Variants in PRKD1 observed in about 807,000 individuals in gnomAD.
PRKD1 encodes the protein serine/threonine-protein kinase D1.
In PRKD1, 63 loss-of-function variants were observed where a neutral mutation model predicts 95.9. The ratio of observed to expected loss-of-function variants is 0.66; its 90% CI spans 0.54 to 0.81. The LOEUF is 0.81. PRKD1 is among the 30% of genes least tolerant of loss of function. The pLI is 0.00. For missense variants in PRKD1, 1,048 were observed against 1,165.3 expected, an observed-to-expected ratio of 0.90 and a Z score of 1.47; for synonymous variants, 425 against 423.1, an observed-to-expected ratio of 1.00 and a Z score of -0.05.
chr14:29,787,837 A>G (rs1277202931), intron 1 of PRKD1, among the ~76,000 whole-genome samples: 4 of 152,158 alleles, frequency 2.6e-5, no homozygotes, highest in South Asian at 2.1e-4. Flanking sequence ...GTTTACATTC[A>G]AGGTTGCTAT....
rs575342220 is a variant in PRKD1 at position 29,601,534 on chromosome 14, C to T, written c.1906-1717G>A. Among the ~76,000 whole-genome samples the T allele has an allele frequency of 3.3e-3, 480 of 144,038 alleles. 3 individuals carry two copies. The highest frequency in any genetic ancestry group is 0.011 in the African/African-American group (449 of 39,392). 94.5% of individuals were successfully genotyped at this position (144,038 alleles called of 152,430 possible). Reference sequence around the variant, plus strand: ...GTTAACTGGTCAAGTCTGGCAACTTCGAATAGACCTCACCTCCCACGTTGC... The same window carrying T: ...GTTAACTGGTCAAGTCTGGCAACTTTGAATAGACCTCACCTCCCACGTTGC... On this transcript the variant is annotated intron_variant, in intron 13 of 17. Transcript: ENST00000331968.
At chr14:29,657,131 C>T (rs1356993504) in intron 4 of PRKD1, among the ~76,000 whole-genome samples, 2 of 152,002 alleles carry the variant, frequency 1.3e-5, no homozygotes, top group Non-Finnish European at 2.9e-5. Flanking sequence ...TATCTGATTC[C>T]GTTCAAGGTT....
At chr14:29,732,368 A>G (rs1364253746) in intron 1 of PRKD1, among the ~76,000 whole-genome samples, 1 of 145,766 alleles carries the variant, frequency 6.9e-6, no homozygotes, top group African/African-American at 2.5e-5. Flanking sequence ...TAATTATCCT[A>G]TTTCACACAC....
At chr14:29,878,069 G>A (rs1052662453) in intron 1 of PRKD1, among the ~76,000 whole-genome samples, 1 of 152,100 alleles carries the variant, frequency 6.6e-6, no homozygotes, top group African/African-American at 2.4e-5. Context: ...AATACTTCAT[G>A]TTCTCACTTA....
chr14:29,663,939 T>A, intron 3 of PRKD1, 80 bp from the exon 4 acceptor site: 1 of 1,339,916 alleles, frequency 7.5e-7, no homozygotes. Flanking sequence ...AGTAGAAATT[T>A]AAAAAATAGT....
chr14:29,759,259 G>A (rs530149782), intron 1 of PRKD1, among the ~76,000 whole-genome samples: 1 of 152,100 alleles, frequency 6.6e-6, no homozygotes, highest in African/African-American at 2.4e-5. Flanking sequence ...AAAAAAAGAA[G>A]AGAAAAAATG....
At chr14:29,694,122 T>C (rs1594434917) in intron 2 of PRKD1, among the ~76,000 whole-genome samples, 1 of 152,202 alleles carries the variant, frequency 6.6e-6, no homozygotes, top group East Asian at 1.9e-4. Context: ...TCCTAGGTTT[T>C]TGCCAGCCAA....
chr14:29,776,050 T>C (rs949591260), intron 1 of PRKD1, among the ~76,000 whole-genome samples: 1 of 152,094 alleles, frequency 6.6e-6, no homozygotes, highest in African/African-American at 2.4e-5. Context: ...GGAGTGGACC[T>C]CCAGCAAACT....
At chr14:29,811,545 T>C (rs1164834148) in intron 1 of PRKD1, among the ~76,000 whole-genome samples, 1 of 152,196 alleles carries the variant, frequency 6.6e-6, no homozygotes, top group Non-Finnish European at 1.5e-5. Context: ...GTGGCACTCC[T>C]AGAAGGGGCG....
intron 16 of PRKD1, among the ~76,000 whole-genome samples, chr14:29,581,542 A>G (rs1399768946): frequency 6.6e-6 from 1 of 152,184 alleles, no homozygotes; most frequent in Non-Finnish European, 1.5e-5. Flanking sequence ...TTTGAAACCC[A>G]GGGGGACTGG....
At chr14:29,743,499 A>C (rs957485955) in intron 1 of PRKD1, among the ~76,000 whole-genome samples, 2 of 152,236 alleles carry the variant, frequency 1.3e-5, no homozygotes, top group Non-Finnish European at 2.9e-5. Context: ...CTCACTCTAA[A>C]TTCATAGAAC....
intron 2 of PRKD1, among the ~76,000 whole-genome samples, chr14:29,694,723 T>C (rs113568773): frequency 2.0e-5 from 3 of 151,968 alleles, no homozygotes; most frequent in Non-Finnish European, 2.9e-5. Context: ...CATAAAAATG[T>C]TGGAAAGGGT....
chr14:29,813,817 T>C (rs1208510770), intron 1 of PRKD1, among the ~76,000 whole-genome samples: 1 of 152,204 alleles, frequency 6.6e-6, no homozygotes, highest in Non-Finnish European at 1.5e-5. Flanking sequence ...TGTCAGACGA[T>C]GTTCATAGCC....
At position 29,858,760 on chromosome 14, in the gene PRKD1, AG is replaced by A. The variant is rs555255794; in HGVS notation, c.264+68488del. The stretch of plus-strand genomic sequence containing the variant: ...AACTCATTATCTTTTATCTTTGAGA[AG>A]ATCTCTGAAGCCAAATCACACAGAA... On this transcript the variant is annotated intron_variant, in intron 1 of 17. Coordinates refer to ENST00000331968, the MANE Select transcript of PRKD1 (RefSeq NM_002742.3). 9.1e-4 allele frequency among the ~76,000 whole-genome samples: 139 copies of A among 152,254 alleles called. 1 individual carries two copies. Among genetic ancestry groups the A allele is most frequent in the African/African-American group, 3.2e-3 (131 of 41,550 alleles).
In PRKD1 at chr14:29,926,480, T is replaced by C. The variant is rs547646955; in HGVS notation, c.264+769A>G. On this transcript the variant is annotated intron_variant, in intron 1 of 17. Coordinates refer to ENST00000331968, the MANE Select transcript of PRKD1 (RefSeq NM_002742.3). Reference sequence around the variant, plus strand: ...GGGTGGGCTGAGTCTCCTCTGGGGGTGGCCTGGCCCCGGATAATGACCCTT... The same window carrying C: ...GGGTGGGCTGAGTCTCCTCTGGGGGCGGCCTGGCCCCGGATAATGACCCTT... Among the ~76,000 whole-genome samples the C allele has an allele frequency of 1.0e-3, 158 of 152,060 alleles. 1 individual carries two copies. Among genetic ancestry groups the C allele is most frequent in the African/African-American group, 3.7e-3 (152 of 41,474 alleles).
intron 1 of PRKD1, among the ~76,000 whole-genome samples, chr14:29,797,496 T>C (rs1889867019): frequency 1.3e-5 from 2 of 152,236 alleles, no homozygotes; most frequent in South Asian, 2.1e-4. Flanking sequence ...GTAAATATCA[T>C]CTGATCCTGC....
chr14:29,756,698 G>C (rs1238703242), intron 1 of PRKD1, among the ~76,000 whole-genome samples: 2 of 152,156 alleles, frequency 1.3e-5, no homozygotes, highest in Non-Finnish European at 2.9e-5. Context: ...CAGACTAGGG[G>C]CTTTGCTACA....
intron 4 of PRKD1, among the ~76,000 whole-genome samples, chr14:29,648,060 T>TA (rs1405936221): frequency 6.6e-6 from 1 of 152,176 alleles, no homozygotes; most frequent in Non-Finnish European, 1.5e-5. Context: ...AACAGAAACT[T>TA]AGAGACCTTA....
chr14:29,848,316 T>A (rs1892164358), intron 1 of PRKD1, among the ~76,000 whole-genome samples: 1 of 152,046 alleles, frequency 6.6e-6, no homozygotes, highest in Non-Finnish European at 1.5e-5. Context: ...ACCCTTTCCA[T>A]CAAGCTGAAG....
Sources: gnomAD v4.1 joint callset for allele counts (sites outside exome capture counted in the v4.1 genomes callset) on GRCh38, gnomAD v4.1.1 for gene constraint, MANE v1.5 for transcripts, NCBI Gene and HGNC (gene_info 2026-07-23, HGNC 2026-07-21) for gene names.